The following ACKR3 variants were observed in gnomAD, a reference collection of about 807,000 sequenced individuals.
ACKR3 encodes the protein atypical chemokine receptor 3, also known as C-X-C chemokine receptor type 7.
In ACKR3, 6 loss-of-function variants were observed where a neutral mutation model predicts 22.4. The ratio of observed to expected loss-of-function variants is 0.27; its 90% CI spans 0.15 to 0.53. The LOEUF is 0.53. Ranked by LOEUF, ACKR3 falls within the 20% of genes least tolerant of loss-of-function variation. The pLI is 0.96. For synonymous variants in ACKR3, 209 were observed against 205.2 expected (o/e 1.02, Z -0.16); for missense variants, 396 against 475.2 (o/e 0.83, Z 1.55).
intron 1 of ACKR3, among the ~76,000 whole-genome samples, chr2:236,572,547 T>C (rs755451979): frequency 3.3e-5 from 5 of 152,228 alleles, no homozygotes; most frequent in Non-Finnish European, 5.9e-5. Flanking sequence ...GTTTGCACAG[T>C]GTCCTCCTGG....
chr2:236,544,251 G>A, the ACKR3 span, among the ~76,000 whole-genome samples: 1 of 151,928 alleles, frequency 6.6e-6, no homozygotes, highest in Non-Finnish European at 1.5e-5. The surrounding 1 kb of genome is among the most constrained non-coding windows in gnomAD (Gnocchi z 5.0). Context: ...GCCTCCCAAA[G>A]TGTTGGGATT....
Position 236,581,625 on chromosome 2 carries a change from G to A in ACKR3, c.*71G>A. On this transcript the variant is annotated 3_prime_UTR_variant, in exon 2 of 2. Coordinates refer to ENST00000272928, the MANE Select transcript of ACKR3 (RefSeq NM_020311.3). This position sits in a 1 kb window ranked among gnomAD's most constrained non-coding sequence, Gnocchi z 4.4. ...GGGTGATGGGCCCTATGGTTTTCTA[G>A]AGCAAAGCAAAGTAGCTTCGGGTCT... 1 of 1,533,306 alleles carries A rather than the reference G, an allele frequency of 6.5e-7. No homozygotes were observed. Among genetic ancestry groups the A allele is most frequent in the Non-Finnish European group, 8.8e-7 (1 of 1,140,346 alleles). 95.0% of individuals were successfully genotyped at this position (1,533,306 alleles called of 1,614,324 possible).
At chr2:236,556,701 T>C in the ACKR3 span, among the ~76,000 whole-genome samples, 1 of 152,202 alleles carries the variant, frequency 6.6e-6, no homozygotes. Flanking sequence ...GTTGCTGTTG[T>C]TTTTTGAGAC....
the ACKR3 span, among the ~76,000 whole-genome samples, chr2:236,551,949 G>T: frequency 7.9e-5 from 12 of 152,132 alleles, no homozygotes; most frequent in African/African-American, 2.9e-4. Context: ...GCTCTGGTCG[G>T]CCTGCTTGTC....
chr2:236,555,371 T>C, the ACKR3 span, among the ~76,000 whole-genome samples: 1 of 152,208 alleles, frequency 6.6e-6, no homozygotes, highest in African/African-American at 2.4e-5. Flanking sequence ...AGCTGCACTC[T>C]GATAGTGCAA....
At chr2:236,543,941 GTATATA>G in the ACKR3 span, among the ~76,000 whole-genome samples, 1,075 of 57,490 alleles carry the variant, frequency 0.019, 29 homozygotes, top group Non-Finnish European at 0.03. Context: ...TGGGAGAAGG[GTATATA>G]TATATATATA....
At chr2:236,547,256 G>A in the ACKR3 span, among the ~76,000 whole-genome samples, 3 of 152,044 alleles carry the variant, frequency 2.0e-5, no homozygotes, top group Non-Finnish European at 4.4e-5. Flanking sequence ...TATTATTCTT[G>A]TTTTTTTCTT....
the ACKR3 span, among the ~76,000 whole-genome samples, chr2:236,559,925 A>G: frequency 6.6e-6 from 1 of 152,266 alleles, no homozygotes; most frequent in South Asian, 2.1e-4. Flanking sequence ...AGGTCCATTA[A>G]TATAGCTTTA....
At chr2:236,568,463 G>C (rs577626565), upstream of ACKR3, among the ~76,000 whole-genome samples, 40 of 152,312 alleles carry the variant, frequency 2.6e-4, no homozygotes, top group African/African-American at 7.9e-4. Context: ...AGCGTCTCTG[G>C]GGAGCCTGGA....
upstream of ACKR3, among the ~76,000 whole-genome samples, chr2:236,566,612 CT>C (rs1264063939): frequency 6.6e-6 from 1 of 152,194 alleles, no homozygotes; most frequent in East Asian, 1.9e-4. Flanking sequence ...TCACTCTAAT[CT>C]TTTTAGTCAC....
chr2:236,539,808 T>G, the ACKR3 span, among the ~76,000 whole-genome samples: 7 of 152,314 alleles, frequency 4.6e-5, no homozygotes, highest in Admixed American at 2.0e-4. Context: ...TCTACATGGC[T>G]GGAGAGGCCT....
At chr2:236,557,432 T>G in the ACKR3 span, among the ~76,000 whole-genome samples, 1 of 152,074 alleles carries the variant, frequency 6.6e-6, no homozygotes. Context: ...CAGGGAATCT[T>G]AAATAAAGTG....
chr2:236,575,791 G>A (rs1199362942), intron 1 of ACKR3, among the ~76,000 whole-genome samples: 1 of 152,176 alleles, frequency 6.6e-6, no homozygotes, highest in African/African-American at 2.4e-5. Flanking sequence ...ATTCCAGATG[G>A]CGGAGACACC....
rs1208054886 is a variant in ACKR3 at position 236,581,291 on chromosome 2, ATCT to A, written c.830_832del (p.Phe277del). The stretch of plus-strand genomic sequence containing the variant: ...CTACCACGTGGCGGTGCTGCTGGAC[ATCT>A]TCTCCATCCTGCACTACATCCCTTT... On this transcript the variant is annotated inframe_deletion, in exon 2 of 2. Transcript: ENST00000272928. The surrounding 1 kb of genome is among the most constrained non-coding windows in gnomAD (Gnocchi z 4.4). The A allele has an allele frequency of 1.2e-6, 2 of 1,613,926 alleles. No homozygotes were observed. Among genetic ancestry groups the A allele is most frequent in the South Asian group, 1.1e-5 (1 of 91,084 alleles).
At chr2:236,537,856 C>T in the ACKR3 span, among the ~76,000 whole-genome samples, 1 of 152,202 alleles carries the variant, frequency 6.6e-6, no homozygotes, top group African/African-American at 2.4e-5. Flanking sequence ...ATTCAGTTTT[C>T]TTTCTTTCAC....
At chr2:236,547,487 G>A in the ACKR3 span, among the ~76,000 whole-genome samples, 5 of 151,972 alleles carry the variant, frequency 3.3e-5, no homozygotes, top group Admixed American at 1.3e-4. Context: ...CTTTGTTCAC[G>A]TTTCCTTCTT....
chr2:236,540,376 A>G, the ACKR3 span, among the ~76,000 whole-genome samples: 1 of 149,126 alleles, frequency 6.7e-6, no homozygotes, highest in Non-Finnish European at 1.5e-5. Flanking sequence ...TTGTTAGGTT[A>G]TGTGTCTTCT....
upstream of ACKR3, among the ~76,000 whole-genome samples, chr2:236,566,629 CAA>C (rs1691184566): frequency 6.6e-6 from 1 of 152,006 alleles, no homozygotes; most frequent in African/African-American, 2.4e-5. Flanking sequence ...GTCACATTTT[CAA>C]AGTTTATTCT....
Position 236,582,319 on chromosome 2 carries a change from TA to T in ACKR3, c.*766del, listed in dbSNP as rs923438325. ...CAGAGAGTTCTCTCAATTTGTAAGT[TA>T]TTTTTTTTTAATAAAGATTTTTGTT... On this transcript the variant is annotated 3_prime_UTR_variant, in exon 2 of 2. Coordinates refer to ENST00000272928, the MANE Select transcript of ACKR3 (RefSeq NM_020311.3). The T allele has an allele frequency of 9.6e-5, 16 of 167,054 alleles. No individual in the cohort carries two copies. Among genetic ancestry groups the T allele is most frequent in the African/African-American group, 2.2e-4 (9 of 41,448 alleles). The allele number at this position is 167,054 out of a possible 1,614,324, so 10.3% of individuals were successfully genotyped here.
Sources: allele counts gnomAD v4.1 joint callset (sites outside exome capture counted in the v4.1 genomes callset), GRCh38; gene constraint gnomAD v4.1.1; non-coding constraint Gnocchi (gnomAD v3.1); transcripts MANE v1.5; gene names NCBI Gene and HGNC (gene_info 2026-07-23, HGNC 2026-07-21).